EGLN1: variants seen among roughly 807,000 people sequenced by gnomAD.
The protein encoded by EGLN1 is egl nine homolog 1.
Under a neutral mutation model 38.3 loss-of-function variants are expected in EGLN1, and 17 were observed. That is an observed-to-expected ratio of 0.44 (90% CI 0.30 to 0.67). The LOEUF is 0.67. EGLN1 is among the 30% of genes least tolerant of loss of function. EGLN1 has a pLI of 0.08. For synonymous variants in EGLN1, 283 were observed against 257.5 expected (o/e 1.10, Z -0.95); for missense variants, 477 against 603.3 (o/e 0.79, Z 2.19).
At chr1:231,408,674 A>C (rs908442811) in intron 1 of EGLN1, among the ~76,000 whole-genome samples, 7 of 152,120 alleles carry the variant, frequency 4.6e-5, no homozygotes, top group Non-Finnish European at 8.8e-5. Context: ...CCAATGTTGG[A>C]AATACAAGGG....
In EGLN1 at chr1:231,364,498, G is replaced by A. The variant is rs988225965; in HGVS notation, c.*1913C>T. ...GGAAGTAGAACAAAACTGAATATGG[G>A]CGAGGAAAAAACAATAAACTATCAC... On this transcript the variant is annotated 3_prime_UTR_variant, in exon 5 of 5. Transcript: ENST00000366641. 1.3e-5 allele frequency: 2 copies of A among 152,118 alleles called. No individual in the cohort carries two copies. Among genetic ancestry groups the A allele is most frequent in the Non-Finnish European group, 1.5e-5 (1 of 68,028 alleles). 9.4% of individuals were successfully genotyped at this position (152,118 alleles called of 1,614,324 possible).
intron 1 of EGLN1, among the ~76,000 whole-genome samples, chr1:231,375,611 T>C (rs927707118): frequency 6.6e-6 from 1 of 152,200 alleles, no homozygotes; most frequent in African/African-American, 2.4e-5. Context: ...GAGAACATTA[T>C]ATATGTCTCT....
Position 231,367,562 on chromosome 1 carries a change from C to T in EGLN1, c.1216+7G>A, listed in dbSNP as rs541795999. 1.7e-4 allele frequency: 280 copies of T among 1,613,858 alleles called. 2 individuals carry two copies. The South Asian group carries it at 2.5e-3, about 15-fold the overall frequency. ...ACCAATATATCCTGGCCCCAAATGACGTTTACCTGTTAGATATTTTACTTT... is the reference window on the plus strand; with the variant it reads ...ACCAATATATCCTGGCCCCAAATGATGTTTACCTGTTAGATATTTTACTTT... On this transcript the variant is annotated splice_region_variant and intron_variant, in intron 4 of 4. Coordinates refer to ENST00000366641, the MANE Select transcript of EGLN1 (RefSeq NM_022051.3).
intron 1 of EGLN1, among the ~76,000 whole-genome samples, chr1:231,388,651 TTG>T (rs1572031480): frequency 2.9e-5 from 1 of 34,400 alleles, no homozygotes. Flanking sequence ...TTTTGGTTTT[TTG>T]TTGTTGTTGT....
At chr1:231,380,588 T>C (rs982040038) in intron 1 of EGLN1, among the ~76,000 whole-genome samples, 16 of 152,186 alleles carry the variant, frequency 1.1e-4, no homozygotes, top group African/African-American at 3.4e-4. Flanking sequence ...ATCCTTGATA[T>C]TTTCCTAAAA....
chr1:231,413,876 T>TAAAACTCA (rs1689012791), intron 1 of EGLN1, among the ~76,000 whole-genome samples: 2 of 150,724 alleles, frequency 1.3e-5, no homozygotes, highest in Non-Finnish European at 2.9e-5. Flanking sequence ...TCCAAACTCA[T>TAAAACTCA]GAAAACTTTA....
intron 1 of EGLN1, among the ~76,000 whole-genome samples, chr1:231,419,380 A>AT (rs1215204780): frequency 1.3e-5 from 2 of 152,354 alleles, no homozygotes; most frequent in African/African-American, 4.8e-5. Flanking sequence ...GGAAAGCTAA[A>AT]TTAACTAAGG....
chr1:231,382,507 T>C (rs1688099898), intron 1 of EGLN1, among the ~76,000 whole-genome samples: 1 of 152,220 alleles, frequency 6.6e-6, no homozygotes, highest in African/African-American at 2.4e-5. Context: ...TTAGAAATTA[T>C]GACAGTATTA....
chr1:231,378,464 C>CT (rs1426607890), intron 1 of EGLN1, among the ~76,000 whole-genome samples: 2 of 151,894 alleles, frequency 1.3e-5, no homozygotes, highest in African/African-American at 2.4e-5. Context: ...TAAGGATGTT[C>CT]TTTTTTACGT....
chr1:231,397,343 C>G (rs1688555367), intron 1 of EGLN1, among the ~76,000 whole-genome samples: 1 of 151,672 alleles, frequency 6.6e-6, no homozygotes, highest in Non-Finnish European at 1.5e-5. Context: ...TTTTTCTCCA[C>G]AATAACTGAG....
intron 1 of EGLN1, among the ~76,000 whole-genome samples, chr1:231,408,378 C>T (rs983968820): frequency 6.6e-6 from 1 of 152,136 alleles, no homozygotes; most frequent in Non-Finnish European, 1.5e-5. Flanking sequence ...AGTAGCAAAT[C>T]AGGGTGGATA....
chr1:231,366,290 G>T lies in EGLN1; in HGVS notation c.*121C>A. On this transcript the variant is annotated 3_prime_UTR_variant, in exon 5 of 5. Coordinates refer to ENST00000366641, the MANE Select transcript of EGLN1 (RefSeq NM_022051.3). ...TGATGCAACACAAAAAGTTGTTTCTGTTTCCTTATTAAAATGCGAACTGGT... is the reference window on the plus strand; with the variant it reads ...TGATGCAACACAAAAAGTTGTTTCTTTTTCCTTATTAAAATGCGAACTGGT... 1 of 1,136,162 alleles carries T rather than the reference G, an allele frequency of 8.8e-7. No homozygotes were observed. Among genetic ancestry groups the T allele is most frequent in the Non-Finnish European group, 1.3e-6 (1 of 765,746 alleles). The allele number at this position is 1,136,162 out of a possible 1,614,324, so 70.4% of individuals were successfully genotyped here.
rs369363414 is a variant in EGLN1, at chr1:231,389,428, A to G, written c.892-15329T>C. The stretch of plus-strand genomic sequence containing the variant: ...AATGAAAAAAAATTTTTTTTTAAAG[A>G]AAAGTGGCCAAAATAGTGACAGCAA... On this transcript the variant is annotated intron_variant, in intron 1 of 4. Coordinates refer to ENST00000366641, the MANE Select transcript of EGLN1 (RefSeq NM_022051.3). 9.9e-5 allele frequency among the ~76,000 whole-genome samples: 15 copies of G among 152,204 alleles called. 2 individuals carry two copies. In the South Asian group the frequency reaches 2.5e-3, roughly 25 times the overall value.
At chr1:231,418,756 G>C (rs757071586) in intron 1 of EGLN1, among the ~76,000 whole-genome samples, 2 of 151,726 alleles carry the variant, frequency 1.3e-5, no homozygotes, top group Admixed American at 6.6e-5. Context: ...CCAGCTACTC[G>C]GAAGCTGAGA....
intron 1 of EGLN1, among the ~76,000 whole-genome samples, chr1:231,380,315 C>CAAAAAAAAAAAAAAAAAAAAAAAAA (rs35280417): frequency 9.8e-6 from 1 of 101,838 alleles, no homozygotes; most frequent in African/African-American, 3.9e-5. Context: ...GACTCCGTCT[C>CAAAAAAAAAAAAAAAAAAAAAAAAA]AAAAAAAAAA....
At chr1:231,419,608 A>G (rs1237937010) in intron 1 of EGLN1, among the ~76,000 whole-genome samples, 1 of 152,172 alleles carries the variant, frequency 6.6e-6, no homozygotes, top group Non-Finnish European at 1.5e-5. Context: ...AATCTAGTGA[A>G]AGACCAACGC....
At chr1:231,380,231 G>C (rs1251254867) in intron 1 of EGLN1, among the ~76,000 whole-genome samples, 2 of 150,436 alleles carry the variant, frequency 1.3e-5, no homozygotes, top group East Asian at 2.0e-4. Flanking sequence ...TCCTTGAATG[G>C]CGTGAACCCG....
chr1:231,389,462 G>C (rs1257528841), intron 1 of EGLN1, among the ~76,000 whole-genome samples: 1 of 152,070 alleles, frequency 6.6e-6, no homozygotes, highest in African/African-American at 2.4e-5. Context: ...AATATCCAGC[G>C]AGTAACAGTG....
chr1:231,395,392 T>C (rs796329767), intron 1 of EGLN1, among the ~76,000 whole-genome samples: 5 of 146,044 alleles, frequency 3.4e-5, no homozygotes, highest in African/African-American at 9.8e-5. Flanking sequence ...ACAACTGTAG[T>C]TGCCTCCGTT....
Sources: gnomAD v4.1 joint callset for allele counts (sites outside exome capture counted in the v4.1 genomes callset) on GRCh38, gnomAD v4.1.1 for gene constraint, MANE v1.5 for transcripts, NCBI Gene and HGNC (gene_info 2026-07-23, HGNC 2026-07-21) for gene names.